Variants in ITCH observed in about 807,000 individuals in gnomAD.
ITCH encodes the protein E3 ubiquitin-protein ligase Itchy homolog.
ITCH carries 28 observed loss-of-function variants against 126.8 expected under a neutral mutation model. The ratio of observed to expected loss-of-function variants is 0.22; its 90% CI spans 0.16 to 0.30. The LOEUF (loss-of-function observed/expected upper bound fraction) is 0.30. Ranked by LOEUF, ITCH falls within the 10% of genes least tolerant of loss-of-function variation. The pLI is 1.00. For synonymous variants in ITCH, 342 were observed against 340.0 expected (o/e 1.01, Z -0.06); for missense variants, 631 against 1,032.4 (o/e 0.61, Z 5.33).
intron 2 of ITCH, among the ~76,000 whole-genome samples, chr20:34,389,226 C>T (rs181100969): frequency 1.1e-3 from 174 of 151,642 alleles, no homozygotes; most frequent in African/African-American, 4.0e-3. Flanking sequence ...CTATGTTGCC[C>T]ACACTGCTTT....
chr20:34,422,389 T>A (rs1980893335), intron 6 of ITCH, among the ~76,000 whole-genome samples: 1 of 152,226 alleles, frequency 6.6e-6, no homozygotes, highest in Non-Finnish European at 1.5e-5. Context: ...ATGATTTTCT[T>A]AATTTTGAGA....
intron 2 of ITCH, among the ~76,000 whole-genome samples, chr20:34,383,792 G>A (rs1297698406): frequency 2.7e-5 from 4 of 148,464 alleles, no homozygotes; most frequent in African/African-American, 9.9e-5. Context: ...GCCTCCCAAA[G>A]TACCAGGATT....
intron 7 of ITCH, among the ~76,000 whole-genome samples, chr20:34,424,729 A>G (rs1490843968): frequency 6.6e-6 from 1 of 152,206 alleles, no homozygotes; most frequent in East Asian, 1.9e-4. Context: ...GGGATAACCA[A>G]ATTGTTGATA....
At position 34,402,431 on chromosome 20, in the gene ITCH, A is replaced by T. The variant is rs892536487; in HGVS notation, c.71-6220A>T. 1.8e-5 allele frequency: 14 copies of T among 771,534 alleles called. No individual in the cohort carries two copies. In the Admixed American group the frequency reaches 2.4e-4, roughly 13 times the overall value. 47.8% of individuals were successfully genotyped at this position (771,534 alleles called of 1,614,324 possible). A position where few individuals can be genotyped will look rare whatever the true frequency, so the allele number is the denominator to read the frequency against. On this transcript the variant is annotated intron_variant, in intron 3 of 24. Coordinates refer to ENST00000374864, the MANE Select transcript of ITCH (RefSeq NM_031483.7). ...GGACAGTGGCACCCACTTTTCTTTC[A>T]CATTTTCAAATGAAAATGGAGAGAT...
At chr20:34,469,891 A>G (rs1355171100) in intron 14 of ITCH, among the ~76,000 whole-genome samples, 157 bp from the exon 15 acceptor site, 2 of 152,240 alleles carry the variant, frequency 1.3e-5, no homozygotes, top group Admixed American at 6.5e-5. Context: ...TCTTGGGGAA[A>G]TATCTCTCAA....
chr20:34,489,525 G>A lies in ITCH; in HGVS notation c.2214+139G>A, dbSNP rs1332705673. 2.1e-5 allele frequency: 17 copies of A among 824,250 alleles called. No homozygotes were observed. The East Asian group carries it at 4.2e-4, about 20-fold the overall frequency. The allele number at this position is 824,250 out of a possible 1,614,324, so 51.1% of individuals were successfully genotyped here. On this transcript the variant is annotated intron_variant, in intron 21 of 24. Coordinates refer to ENST00000374864, the MANE Select transcript of ITCH (RefSeq NM_031483.7). Reference sequence around the variant, plus strand: ...CAAAATGTTTTGAAACATCCCCAATGGTTAAAGAAAATCATAATTTATCCA... The same window carrying A: ...CAAAATGTTTTGAAACATCCCCAATAGTTAAAGAAAATCATAATTTATCCA...
rs1234242924 is a variant in ITCH, at chr20:34,479,669, A to C, written c.1698A>C (p.Pro566=). ...TTTTGTCACATGAAGTGTTGAACCC[A>C]ATGTATTGCCTGTTTGAATATGCAG... ...FFLLSHEVLN[P]MYCLFEYAGK... Residue 566 remains proline (P), a synonymous_variant, in exon 18 of 25, where the codon CCA becomes CCC. Transcript: ENST00000374864. 6.2e-7 allele frequency: 1 copy of C among 1,613,966 alleles called. No individual in the cohort carries two copies. The highest frequency in any genetic ancestry group is 2.2e-5 in the East Asian group (1 of 44,860).
At chr20:34,445,258 TTG>T (rs1491159353) in intron 10 of ITCH, 27 bp from the exon 11 acceptor site, 5 of 1,545,846 alleles carry the variant, frequency 3.2e-6, no homozygotes, top group Non-Finnish European at 4.4e-6. Context: ...TTGAATTAGC[TTG>T]TTTTTTTTTT....
At chr20:34,401,337 G>C (rs1194180426) in intron 3 of ITCH, among the ~76,000 whole-genome samples, 2 of 151,134 alleles carry the variant, frequency 1.3e-5, no homozygotes, top group Non-Finnish European at 2.9e-5. Context: ...CAACCCATTT[G>C]TTCTGTTTCA....
intron 2 of ITCH, among the ~76,000 whole-genome samples, chr20:34,372,286 CAG>C (rs199878501): frequency 0.18 from 18,713 of 106,442 alleles, 1,670 homozygotes; most frequent in South Asian, 0.34. Context: ...GCCTGGGCGA[CAG>C]AGTGACAGAG....
At chr20:34,394,358 T>G (rs755397346) in intron 3 of ITCH, among the ~76,000 whole-genome samples, 2 of 151,494 alleles carry the variant, frequency 1.3e-5, no homozygotes, top group Non-Finnish European at 2.9e-5. Flanking sequence ...TATTTTACAG[T>G]TTTTTTTTCC....
At chr20:34,448,794 C>T (rs900825759) in intron 11 of ITCH, among the ~76,000 whole-genome samples, 2 of 152,152 alleles carry the variant, frequency 1.3e-5, no homozygotes, top group African/African-American at 4.8e-5. Flanking sequence ...AAGGTTGACT[C>T]TTACTTTGCT....
chr20:34,468,493 G>A (rs986193564), intron 14 of ITCH, among the ~76,000 whole-genome samples: 5 of 151,774 alleles, frequency 3.3e-5, no homozygotes, highest in African/African-American at 1.2e-4. Flanking sequence ...GCAGTGAGAT[G>A]AGAAAAAGAA....
At chr20:34,492,682 A>C in intron 23 of ITCH, 85 bp downstream of exon 23, 1 of 877,842 alleles carries the variant, frequency 1.1e-6, no homozygotes, top group Non-Finnish European at 1.9e-6. Context: ...TATTAGAAAC[A>C]ACAAAGACAG....
At chr20:34,478,731 T>C (rs1988456837) in intron 17 of ITCH, among the ~76,000 whole-genome samples, 1 of 152,228 alleles carries the variant, frequency 6.6e-6, no homozygotes, top group Admixed American at 6.5e-5. Flanking sequence ...GTAGTTCTTA[T>C]TTATATTATG....
At chr20:34,433,271 C>G (rs1490705020) in intron 7 of ITCH, among the ~76,000 whole-genome samples, 1 of 152,226 alleles carries the variant, frequency 6.6e-6, no homozygotes, top group Non-Finnish European at 1.5e-5. Flanking sequence ...CCCTGGGGGA[C>G]AAGAGCGAGA....
intron 2 of ITCH, among the ~76,000 whole-genome samples, chr20:34,386,463 T>C (rs549400484): frequency 6.6e-6 from 1 of 152,310 alleles, no homozygotes; most frequent in African/African-American, 2.4e-5. Flanking sequence ...CACATGCTTC[T>C]GTATTTTATA....
chr20:34,426,907 TG>T (rs1305051856), intron 7 of ITCH, among the ~76,000 whole-genome samples: 1 of 152,068 alleles, frequency 6.6e-6, no homozygotes, highest in Non-Finnish European at 1.5e-5. Context: ...CCCGAGTAGC[TG>T]GGATTACAGG....
chr20:34,406,148 C>T (rs899798089), intron 3 of ITCH, among the ~76,000 whole-genome samples: 1 of 151,702 alleles, frequency 6.6e-6, no homozygotes, highest in South Asian at 2.1e-4. Flanking sequence ...CAGCCTCCCC[C>T]CAGCAGCTGG....
Sources: allele counts gnomAD v4.1 joint callset (sites outside exome capture counted in the v4.1 genomes callset), GRCh38; gene constraint gnomAD v4.1.1; transcripts MANE v1.5; gene names NCBI Gene and HGNC (gene_info 2026-07-23, HGNC 2026-07-21).